The following LEPROTL1 variants were observed in gnomAD, a reference collection of about 807,000 sequenced individuals.
The protein encoded by LEPROTL1 is leptin receptor overlapping transcript-like 1.
In LEPROTL1, 6 loss-of-function variants were observed where a neutral mutation model predicts 15.4. That is an observed-to-expected ratio of 0.39 (90% CI 0.21 to 0.77). LEPROTL1 has a LOEUF of 0.77. Among genes scored for constraint, LEPROTL1 ranks in the 30% least tolerant of loss-of-function variants. The probability of loss-of-function intolerance (pLI) is 0.41; values close to 1 mark genes in which losing one functional copy is unlikely to be tolerated. For missense variants in LEPROTL1, 128 were observed against 158.1 expected, an observed-to-expected ratio of 0.81 and a Z score of 1.02; for synonymous variants, 56 against 52.6, an observed-to-expected ratio of 1.06 and a Z score of -0.28.
chr8:30,134,290 G>A (rs1803091369), intron 4 of LEPROTL1, among the ~76,000 whole-genome samples: 1 of 152,012 alleles, frequency 6.6e-6, no homozygotes, highest in Non-Finnish European at 1.5e-5. Flanking sequence ...GGGTGTGGTG[G>A]TGCACACCTG....
In LEPROTL1 at chr8:30,095,953, A is replaced by G; in HGVS notation, c.16+425A>G. Reference sequence around the variant, plus strand: ...AGATGCCAGCTATGGAAAACCAGTCATTTCCCACCGAAAGGCACAAGTGCG... The same window carrying G: ...AGATGCCAGCTATGGAAAACCAGTCGTTTCCCACCGAAAGGCACAAGTGCG... On this transcript the variant is annotated intron_variant, in intron 1 of 3. Coordinates refer to ENST00000321250, the MANE Select transcript of LEPROTL1 (RefSeq NM_015344.3). 1.9e-5 allele frequency: 13 copies of G among 686,058 alleles called. No homozygotes were observed. In the South Asian group the frequency reaches 2.0e-4, roughly 10 times the overall value. The allele number at this position is 686,058 out of a possible 1,614,324, so 42.5% of individuals were successfully genotyped here. A position where few individuals can be genotyped will look rare whatever the true frequency, so the allele number is the denominator to read the frequency against.
intron 3 of LEPROTL1, among the ~76,000 whole-genome samples, chr8:30,127,871 T>C (rs1340575777): frequency 6.6e-6 from 1 of 151,928 alleles, no homozygotes; most frequent in Admixed American, 6.6e-5. Context: ...GGTTAGTGAT[T>C]GAATTTTTTA....
chr8:30,096,356 T>C (rs1356987559), intron 1 of LEPROTL1: 1 of 985,252 alleles, frequency 1.0e-6, no homozygotes, highest in African/African-American at 1.7e-5. Flanking sequence ...TTTCAGCTAC[T>C]GCTTAACTAA....
At chr8:30,095,641 C>T (rs1270145548) in intron 1 of LEPROTL1, 113 bp downstream of exon 1, 1 of 942,672 alleles carries the variant, frequency 1.1e-6, no homozygotes, top group East Asian at 3.4e-5. Flanking sequence ...GCGTGGGGTC[C>T]CTGCGCCGGG....
chr8:30,098,915 A>G (rs929106847), intron 1 of LEPROTL1, among the ~76,000 whole-genome samples: 4 of 152,224 alleles, frequency 2.6e-5, no homozygotes, highest in East Asian at 1.9e-4. Flanking sequence ...AGAGGCATTC[A>G]GTGAACAGAG....
intron 1 of LEPROTL1, among the ~76,000 whole-genome samples, chr8:30,096,967 G>A (rs927645792): frequency 2.0e-5 from 3 of 152,124 alleles, no homozygotes; most frequent in Admixed American, 6.5e-5. Context: ...GGATTTTCTG[G>A]TAACTCCCAG....
At chr8:30,128,548 C>G (rs1006568477) in intron 3 of LEPROTL1, among the ~76,000 whole-genome samples, 1 of 151,994 alleles carries the variant, frequency 6.6e-6, no homozygotes, top group African/African-American at 2.4e-5. Flanking sequence ...CTCACGAATT[C>G]GAGACCAGCC....
At chr8:30,131,280 ATATATATATATATATATG>A (rs1803008323) in intron 3 of LEPROTL1, among the ~76,000 whole-genome samples, 1 of 30,382 alleles carries the variant, frequency 3.3e-5, no homozygotes, top group African/African-American at 6.4e-5. Flanking sequence ...ATGTGTGTGT[ATATATATATATATATATG>A]TGTGTGTGTA....
At chr8:30,112,302 C>T (rs1262733039), downstream of LEPROTL1, among the ~76,000 whole-genome samples, 1 of 149,790 alleles carries the variant, frequency 6.7e-6, no homozygotes, top group African/African-American at 2.5e-5. Flanking sequence ...GTGGTGTGAT[C>T]TCGGCTCACT....
chr8:30,115,097 C>T (rs1802717055), intron 3 of LEPROTL1, among the ~76,000 whole-genome samples: 1 of 152,164 alleles, frequency 6.6e-6, no homozygotes, highest in South Asian at 2.1e-4. Context: ...GGAGTGGTGG[C>T]TCATGCCAGT....
intron 4 of LEPROTL1, among the ~76,000 whole-genome samples, chr8:30,136,012 T>C (rs755258701): frequency 1.3e-5 from 2 of 152,110 alleles, no homozygotes; most frequent in Non-Finnish European, 2.9e-5. Context: ...ACTGCTGCTG[T>C]TTCTATCCAT....
intron 3 of LEPROTL1, among the ~76,000 whole-genome samples, chr8:30,121,872 T>TAA (rs34458598): frequency 7.9e-5 from 12 of 151,010 alleles, no homozygotes; most frequent in Non-Finnish European, 7.4e-5. Context: ...TTTTTATCTT[T>TAA]AAAAAAAAAT....
At chr8:30,103,477 A>C (rs367608616) in intron 2 of LEPROTL1, among the ~76,000 whole-genome samples, 15 of 152,266 alleles carry the variant, frequency 9.9e-5, no homozygotes, top group African/African-American at 3.1e-4. Flanking sequence ...GCAGTGGCTC[A>C]TGCCTGTAAT....
chr8:30,118,273 C>T (rs1200084956), intron 3 of LEPROTL1, among the ~76,000 whole-genome samples: 1 of 151,958 alleles, frequency 6.6e-6, no homozygotes, highest in African/African-American at 2.4e-5. Context: ...TCTTGGCCTC[C>T]CAAAGTGCTG....
intron 1 of LEPROTL1, chr8:30,095,771 CCT>C (rs1802351450): frequency 1.4e-6 from 1 of 699,172 alleles, no homozygotes; most frequent in South Asian, 1.5e-5. Context: ...ATTTCGGCAG[CCT>C]CTCTCCCACC....
In LEPROTL1 at chr8:30,107,880, A is replaced by T. The variant is rs1457725903; in HGVS notation, c.*2018A>T. ...TCTAACAGCTGCGTATTATTTCTAT[A>T]TACTAACTGCATTGGCAGCATTGTG... On this transcript the variant is annotated 3_prime_UTR_variant, in exon 4 of 4. Coordinates refer to ENST00000321250, the MANE Select transcript of LEPROTL1 (RefSeq NM_015344.3). 3.0e-6 allele frequency: 3 copies of T among 985,084 alleles called. No individual in the cohort carries two copies. In the African/African-American group the frequency reaches 5.2e-5, roughly 17 times the overall value. The allele number at this position is 985,084 out of a possible 1,614,324, so 61.0% of individuals were successfully genotyped here.
At position 30,104,450 on chromosome 8, in the gene LEPROTL1, T is replaced by C. The variant is rs759136221; in HGVS notation, c.243T>C (p.Ala81=). 2.2e-5 allele frequency: 35 copies of C among 1,611,686 alleles called. No homozygotes were observed. In the East Asian group the frequency reaches 7.8e-4, roughly 36 times the overall value. Residue 81 remains alanine, a synonymous_variant, in exon 3 of 4, where the codon GCT becomes GCC. Coordinates refer to ENST00000321250, the MANE Select transcript of LEPROTL1 (RefSeq NM_015344.3). ...IFLTTGIVVS[A]FGLPIVFARA... is the part of the protein sequence containing the mutation. ...TTACAACGGGCATTGTCGTGTCAGC[T>C]TTTGGACTCCCTATTGTATTTGCCA...
At chr8:30,117,835 A>C (rs1016143155) in intron 3 of LEPROTL1, 2 of 627,554 alleles carry the variant, frequency 3.2e-6, no homozygotes, top group South Asian at 3.8e-5. Context: ...TCTATAAAAA[A>C]TTTTTAAAAT....
At chr8:30,137,544 A>C in exon 5 of LEPROTL1, 1 of 1,373,230 alleles carries the variant, frequency 7.3e-7, no homozygotes, top group Non-Finnish European at 1.0e-6. Context: ...TGTAGGCAAC[A>C]CGTGGCAGTG....
Sources: allele counts gnomAD v4.1 joint callset (sites outside exome capture counted in the v4.1 genomes callset), GRCh38; gene constraint gnomAD v4.1.1; transcripts MANE v1.5; gene names NCBI Gene and HGNC (gene_info 2026-07-23, HGNC 2026-07-21).